The following CHIC2 variants were observed in gnomAD, a reference collection of about 807,000 sequenced individuals.
CHIC2 encodes the protein cysteine rich hydrophobic domain 2, also known as cysteine-rich hydrophobic domain-containing protein 2.
Under a neutral mutation model 25.9 loss-of-function variants are expected in CHIC2, and 14 were observed. That is an observed-to-expected ratio of 0.54 (90% CI 0.36 to 0.85). CHIC2 has a LOEUF of 0.85. CHIC2 is among the 40% of genes least tolerant of loss of function. CHIC2 has a pLI of 0.01. For missense variants in CHIC2, 146 were observed against 202.0 expected (o/e 0.72, Z 1.68); for synonymous variants, 70 against 72.0 (o/e 0.97, Z 0.14).
upstream of CHIC2, among the ~76,000 whole-genome samples, chr4:54,067,270 C>CT (rs1457064244): frequency 2.1e-5 from 3 of 142,282 alleles, no homozygotes; most frequent in East Asian, 6.3e-4. Context: ...TTTTCTTTTT[C>CT]TTTTTTCCTT....
At chr4:54,043,420 C>CAAAAAAAAAAAAAAAAAAAAA (rs902677237) in intron 3 of CHIC2, among the ~76,000 whole-genome samples, 1 of 55,864 alleles carries the variant, frequency 1.8e-5, no homozygotes, top group Non-Finnish European at 4.0e-5. Context: ...GACTCCATTT[C>CAAAAAAAAAAAAAAAAAAAAA]AAAAAAAAAA....
chr4:54,056,625 T>C (rs970183736), intron 1 of CHIC2, among the ~76,000 whole-genome samples: 7 of 152,124 alleles, frequency 4.6e-5, no homozygotes, highest in African/African-American at 1.7e-4. Context: ...ATATAGTACA[T>C]TCACTTTTTT....
At chr4:54,080,530 C>T in the CHIC2 span, among the ~76,000 whole-genome samples, 1 of 151,798 alleles carries the variant, frequency 6.6e-6, no homozygotes, top group Non-Finnish European at 1.5e-5. Context: ...CTTTGGAAGG[C>T]TGAGGCAGGT....
intron 3 of CHIC2, among the ~76,000 whole-genome samples, chr4:54,045,746 G>T (rs1465876072): frequency 1.3e-5 from 2 of 152,056 alleles, no homozygotes; most frequent in African/African-American, 4.8e-5. Context: ...GCACAAGACA[G>T]GGATGCCCTC....
At chr4:54,035,127 T>C (rs1716344290) in intron 3 of CHIC2, among the ~76,000 whole-genome samples, 1 of 152,214 alleles carries the variant, frequency 6.6e-6, no homozygotes, top group Admixed American at 6.5e-5. Context: ...ATGTTTTTGT[T>C]GGACTTGATA....
chr4:54,074,135 G>A, the CHIC2 span, among the ~76,000 whole-genome samples: 2 of 151,936 alleles, frequency 1.3e-5, no homozygotes, highest in South Asian at 4.1e-4. Context: ...TCCAGTCCGG[G>A]TGACAGTGAG....
the CHIC2 span, among the ~76,000 whole-genome samples, chr4:54,070,123 A>T: frequency 6.6e-6 from 1 of 152,180 alleles, no homozygotes; most frequent in African/African-American, 2.4e-5. Flanking sequence ...GGAAGTAGAG[A>T]GAAGAGAGGA....
chr4:54,074,777 T>G, the CHIC2 span, among the ~76,000 whole-genome samples: 1 of 152,212 alleles, frequency 6.6e-6, no homozygotes, highest in Non-Finnish European at 1.5e-5. Context: ...CAACCTCTTC[T>G]TAACCTGAGT....
chr4:54,055,380 C>A (rs1433337799), intron 1 of CHIC2, among the ~76,000 whole-genome samples: 1 of 151,872 alleles, frequency 6.6e-6, no homozygotes, highest in African/African-American at 2.4e-5. Flanking sequence ...GATGTCAAGA[C>A]AGAATGGATG....
At chr4:54,037,248 C>A (rs1716416917) in intron 3 of CHIC2, among the ~76,000 whole-genome samples, 1 of 151,730 alleles carries the variant, frequency 6.6e-6, no homozygotes, top group Non-Finnish European at 1.5e-5. Context: ...ACTTGGGAGG[C>A]CGAGGTAGGA....
At chr4:54,064,759 TC>T, upstream of CHIC2, 1 of 586,646 alleles carries the variant, frequency 1.7e-6, no homozygotes. This position sits in a 1 kb window ranked among gnomAD's most constrained non-coding sequence, Gnocchi z 4.2. Context: ...CCTCGCGCGC[TC>T]CCAGGCCACC....
At chr4:54,091,084 C>T in the CHIC2 span, among the ~76,000 whole-genome samples, 1 of 152,188 alleles carries the variant, frequency 6.6e-6, no homozygotes, top group East Asian at 1.9e-4. Context: ...TAAAGATGAT[C>T]CACAGGTGGG....
chr4:54,012,284 A>C (rs2110057537), intron 5 of CHIC2, among the ~76,000 whole-genome samples: 1 of 151,768 alleles, frequency 6.6e-6, no homozygotes, highest in East Asian at 1.9e-4. Flanking sequence ...TATCTTTACT[A>C]CTCTTCTGGG....
At chr4:54,083,669 C>T in the CHIC2 span, among the ~76,000 whole-genome samples, 59 of 152,310 alleles carry the variant, frequency 3.9e-4, no homozygotes, top group Non-Finnish European at 6.5e-4. Context: ...TCTCTCCTCT[C>T]CATTCCCACC....
intron 1 of CHIC2, among the ~76,000 whole-genome samples, chr4:54,057,227 A>T (rs1044359711): frequency 2.6e-5 from 4 of 152,166 alleles, no homozygotes; most frequent in Non-Finnish European, 5.9e-5. Context: ...TAATCTAGAG[A>T]TCAACACCCT....
chr4:54,038,602 T>C (rs548516799), intron 3 of CHIC2, among the ~76,000 whole-genome samples: 2 of 152,310 alleles, frequency 1.3e-5, no homozygotes, highest in East Asian at 3.9e-4. Flanking sequence ...GTGTTTCTTA[T>C]AGATATTTGA....
At chr4:54,011,091 T>C (rs1434686021) in intron 5 of CHIC2, among the ~76,000 whole-genome samples, 1 of 152,158 alleles carries the variant, frequency 6.6e-6, no homozygotes, top group Non-Finnish European at 1.5e-5. Context: ...TTAAAAATTA[T>C]TTGATTTTAA....
At chr4:54,034,367 C>G (rs1189652226) in intron 3 of CHIC2, among the ~76,000 whole-genome samples, 1 of 151,804 alleles carries the variant, frequency 6.6e-6, no homozygotes, top group Non-Finnish European at 1.5e-5. Context: ...TCACACCAAT[C>G]CAGTTCAGCC....
At chr4:54,023,226 C>A (rs978720038) in intron 3 of CHIC2, among the ~76,000 whole-genome samples, 3 of 152,274 alleles carry the variant, frequency 2.0e-5, no homozygotes. Flanking sequence ...CGGAACCGTG[C>A]CCTGTAGCCT....
Sources: allele counts gnomAD v4.1 joint callset (sites outside exome capture counted in the v4.1 genomes callset), GRCh38; gene constraint gnomAD v4.1.1; non-coding constraint Gnocchi (gnomAD v3.1); transcripts MANE v1.5; gene names NCBI Gene and HGNC (gene_info 2026-07-23, HGNC 2026-07-21).